The following ZNF532 variants were observed in gnomAD, a reference collection of about 807,000 sequenced individuals.
ZNF532 encodes the protein zinc finger protein 532.
Under a neutral mutation model 89.3 loss-of-function variants are expected in ZNF532, and 22 were observed. The observed-to-expected ratio is 0.25, with a 90% CI of 0.18 to 0.35. The LOEUF (loss-of-function observed/expected upper bound fraction) is 0.35, where lower values mean the gene tolerates loss of function less well. ZNF532 is among the 10% of genes least tolerant of loss of function. ZNF532 has a pLI of 1.00. For missense variants in ZNF532, 1,132 were observed against 1,643.4 expected (o/e 0.69, Z 5.38); for synonymous variants, 606 against 649.6 (o/e 0.93, Z 1.02).
At chr18:58,901,828 G>A (rs1331961871) in intron 2 of ZNF532, among the ~76,000 whole-genome samples, 1 of 152,038 alleles carries the variant, frequency 6.6e-6, no homozygotes, top group African/African-American at 2.4e-5. Context: ...TGTTGGCTTC[G>A]CACCCCACCC....
intron 5 of ZNF532, among the ~76,000 whole-genome samples, chr18:58,942,572 A>C (rs1428709425): frequency 6.6e-6 from 1 of 151,962 alleles, no homozygotes; most frequent in Admixed American, 6.6e-5. Context: ...CCGCAGCCTG[A>C]CTGTGGCAAT....
chr18:58,884,428 T>C (rs1389874723), intron 2 of ZNF532, among the ~76,000 whole-genome samples: 1 of 152,250 alleles, frequency 6.6e-6, no homozygotes, highest in Admixed American at 6.5e-5. Flanking sequence ...CAGCGACTAT[T>C]GCTGATAGTT....
chr18:58,870,483 G>A (rs1386984027), intron 2 of ZNF532, among the ~76,000 whole-genome samples: 1 of 152,182 alleles, frequency 6.6e-6, no homozygotes, highest in Non-Finnish European at 1.5e-5. Flanking sequence ...GGGTGTGGGT[G>A]TGCGAGGGGA....
At chr18:58,966,756 T>G (rs2065963253) in intron 7 of ZNF532, among the ~76,000 whole-genome samples, 1 of 150,018 alleles carries the variant, frequency 6.7e-6, no homozygotes, top group African/African-American at 2.5e-5. Flanking sequence ...TTTTTTTTTT[T>G]TTTTCTTTCA....
chr18:58,889,909 C>G (rs1035531068), intron 2 of ZNF532, among the ~76,000 whole-genome samples: 6 of 152,018 alleles, frequency 3.9e-5, no homozygotes, highest in African/African-American at 1.2e-4. Flanking sequence ...TGGTGAAACC[C>G]TGCCTCTACT....
chr18:58,921,583 T>G (rs2061089035), intron 3 of ZNF532, among the ~76,000 whole-genome samples: 1 of 152,238 alleles, frequency 6.6e-6, no homozygotes, highest in Non-Finnish European at 1.5e-5. Flanking sequence ...TGTGTGTGTT[T>G]GCAGCTTTTG....
rs1568198165 is a variant in ZNF532 at position 58,867,792 on chromosome 18, A to AT, written c.-18+2219dup. On this transcript the variant is annotated intron_variant, in intron 2 of 9. Transcript: ENST00000591808. ...GTTTTTATCCTTTGCCTATTCAATC[A>AT]TTTTTTCCATGTTAAAGAACACTGG... 2.0e-5 allele frequency among the ~76,000 whole-genome samples: 3 copies of AT among 152,124 alleles called. No individual in the cohort carries two copies. In the South Asian group the frequency reaches 6.2e-4, roughly 32 times the overall value.
chr18:58,979,594 G>A, intron 8 of ZNF532: 1 of 153,868 alleles, frequency 6.5e-6, no homozygotes, highest in Non-Finnish European at 1.4e-5. Flanking sequence ...CACCGTGTTA[G>A]CCAGGCTGGT....
At chr18:58,909,166 T>G (rs1231340866) in intron 2 of ZNF532, among the ~76,000 whole-genome samples, 1 of 152,210 alleles carries the variant, frequency 6.6e-6, no homozygotes, top group Non-Finnish European at 1.5e-5. Context: ...TTGGTCAGGC[T>G]GGTCTCAAAC....
intron 2 of ZNF532, among the ~76,000 whole-genome samples, chr18:58,888,736 A>ATTAATTT (rs1568245273): frequency 1.9e-5 from 1 of 51,354 alleles, no homozygotes; most frequent in Non-Finnish European, 2.9e-5. Flanking sequence ...AATTATATAT[A>ATTAATTT]TATATTTTAT....
Position 58,922,582 on chromosome 18 carries a change from A to G in ZNF532, c.2346+1949A>G, listed in dbSNP as rs376603549. The stretch of plus-strand genomic sequence containing the variant: ...CGGTGACAATGCCTGGGTTCTGTCT[A>G]CATGGATGTCCTCCCATCTTGACAC... On this transcript the variant is annotated intron_variant, in intron 3 of 9. Coordinates refer to ENST00000591808, the MANE Select transcript of ZNF532 (RefSeq NM_001375912.1). Among the ~76,000 whole-genome samples, 38 of 152,360 alleles carry G rather than the reference A, an allele frequency of 2.5e-4. 1 individual carries two copies. The South Asian group carries it at 7.9e-3, about 32-fold the overall frequency.
At chr18:58,888,985 T>C (rs1280390215) in intron 2 of ZNF532, among the ~76,000 whole-genome samples, 1 of 136,064 alleles carries the variant, frequency 7.3e-6, no homozygotes, top group Non-Finnish European at 1.5e-5. Flanking sequence ...TTCCAGATTT[T>C]GGAATATTTA....
intron 5 of ZNF532, 92 bp from the exon 6 acceptor site, chr18:58,947,975 C>G: frequency 1.6e-6 from 2 of 1,253,334 alleles, no homozygotes; most frequent in Non-Finnish European, 2.2e-6. Context: ...CTCAATGTGC[C>G]TCTGCCTCCC....
At chr18:58,914,217 G>A (rs556479590) in intron 2 of ZNF532, among the ~76,000 whole-genome samples, 2 of 152,160 alleles carry the variant, frequency 1.3e-5, no homozygotes, top group African/African-American at 2.4e-5. Context: ...TGTGTCATAC[G>A]AGAAAATAAA....
At chr18:58,885,121 T>G (rs1299120685) in intron 2 of ZNF532, among the ~76,000 whole-genome samples, 1 of 152,006 alleles carries the variant, frequency 6.6e-6, no homozygotes, top group Non-Finnish European at 1.5e-5. Context: ...TCCGAGTAGC[T>G]GGGATTGCAG....
chr18:58,975,375 G>A (rs552488137), intron 7 of ZNF532, among the ~76,000 whole-genome samples: 2 of 152,288 alleles, frequency 1.3e-5, no homozygotes, highest in South Asian at 2.1e-4. Context: ...CCAGATCTGG[G>A]TATGAAGTTA....
intron 2 of ZNF532, among the ~76,000 whole-genome samples, chr18:58,870,192 G>A (rs1394438606): frequency 6.6e-6 from 1 of 151,916 alleles, no homozygotes; most frequent in Admixed American, 6.6e-5. Context: ...GTTAACCTGG[G>A]GATTGCCTTG....
At chr18:58,951,902 G>A (rs2064236815) in intron 6 of ZNF532, among the ~76,000 whole-genome samples, 1 of 152,052 alleles carries the variant, frequency 6.6e-6, no homozygotes, top group Non-Finnish European at 1.5e-5. Context: ...ACCTGCCTCG[G>A]CCTCCCAAAG....
In ZNF532 at chr18:58,887,703, G is replaced by A. The variant is rs536031828; in HGVS notation, c.-18+22124G>A. Among the ~76,000 whole-genome samples the A allele has an allele frequency of 1.1e-4, 17 of 152,310 alleles. 1 individual carries two copies. In the Middle Eastern group the frequency reaches 0.01, roughly 91 times the overall value. ...CAAAACAGAACCCCCACGCTCACAG[G>A]AGGGACCGTCATGCAGGACTAGGCA... is the stretch of plus-strand genomic sequence containing the variant. On this transcript the variant is annotated intron_variant, in intron 2 of 9. Coordinates refer to ENST00000591808, the MANE Select transcript of ZNF532 (RefSeq NM_001375912.1).
Sources: allele counts gnomAD v4.1 joint callset (sites outside exome capture counted in the v4.1 genomes callset), GRCh38; gene constraint gnomAD v4.1.1; transcripts MANE v1.5; gene names NCBI Gene and HGNC (gene_info 2026-07-23, HGNC 2026-07-21).